The following TBC1D19 variants were observed in gnomAD, a reference collection of about 807,000 sequenced individuals.
The protein encoded by TBC1D19 is TBC1 domain family, member 19.
TBC1D19 carries 60 observed loss-of-function variants against 89.0 expected under a neutral mutation model. The ratio of observed to expected loss-of-function variants is 0.67; its 90% confidence interval spans 0.55 to 0.84. The LOEUF is 0.84. Among genes scored for constraint, TBC1D19 ranks in the 40% least tolerant of loss-of-function variants. TBC1D19 has a pLI of 0.00. For synonymous variants in TBC1D19, 189 were observed against 199.7 expected, an observed-to-expected ratio of 0.95 and a Z score of 0.45; for missense variants, 500 against 610.8, an observed-to-expected ratio of 0.82 and a Z score of 1.91.
intron 17 of TBC1D19, chr4:26,740,976 T>A: frequency 1.0e-6 from 1 of 982,006 alleles, no homozygotes; most frequent in Non-Finnish European, 1.2e-6. Context: ...CTGGGTTTCT[T>A]ATCTCTAAGA....
At chr4:26,653,541 A>T (rs1034532685) in intron 7 of TBC1D19, among the ~76,000 whole-genome samples, 4 of 152,094 alleles carry the variant, frequency 2.6e-5, no homozygotes, top group African/African-American at 9.7e-5. Context: ...GACTTGCTTT[A>T]TGAATCTGGT....
At chr4:26,657,853 TTA>T (rs1010034901) in intron 7 of TBC1D19, among the ~76,000 whole-genome samples, 2 of 152,240 alleles carry the variant, frequency 1.3e-5, no homozygotes, top group Admixed American at 6.5e-5. Flanking sequence ...TGAGCATTTT[TTA>T]TATGTTTCTT....
chr4:26,576,901 A>G (rs1366171412), intron 1 of TBC1D19: 1 of 454,040 alleles, frequency 2.2e-6, no homozygotes, highest in Non-Finnish European at 4.4e-6. Context: ...TGGCTAGGCT[A>G]TGGCGCCCAG....
chr4:26,594,688 AC>A (rs1357029554), intron 1 of TBC1D19, among the ~76,000 whole-genome samples: 3 of 151,946 alleles, frequency 2.0e-5, no homozygotes, highest in Non-Finnish European at 4.4e-5. Flanking sequence ...ATCTCCCCCT[AC>A]CCCATGAAAT....
intron 13 of TBC1D19, among the ~76,000 whole-genome samples, chr4:26,697,948 G>A (rs1220082511): frequency 6.6e-6 from 1 of 152,074 alleles, no homozygotes; most frequent in Admixed American, 6.5e-5. Context: ...TTGAAAACTG[G>A]CACAAGACAG....
At chr4:26,593,642 A>T (rs1401938886) in intron 1 of TBC1D19, among the ~76,000 whole-genome samples, 3 of 152,192 alleles carry the variant, frequency 2.0e-5, no homozygotes, top group African/African-American at 7.2e-5. Context: ...CAAATTTACA[A>T]GAAAAAAACA....
chr4:26,739,819 A>G, intron 16 of TBC1D19, 45 bp from the exon 17 acceptor site: 1 of 1,072,490 alleles, frequency 9.3e-7, no homozygotes, highest in Non-Finnish European at 1.3e-6. Flanking sequence ...TTATCTTAAC[A>G]TTTCAGTAGT....
chr4:26,758,743 T>A (rs1206023519), downstream of TBC1D19, among the ~76,000 whole-genome samples: 1 of 152,210 alleles, frequency 6.6e-6, no homozygotes, highest in Non-Finnish European at 1.5e-5. Context: ...CTATTTTTTT[T>A]ACAAGACCCA....
At chr4:26,721,457 C>G (rs2109272297) in intron 15 of TBC1D19, among the ~76,000 whole-genome samples, 1 of 152,118 alleles carries the variant, frequency 6.6e-6, no homozygotes, top group African/African-American at 2.4e-5. Context: ...ACCCTCTCTT[C>G]CACACCATCC....
At chr4:26,803,874 C>A in the TBC1D19 span, among the ~76,000 whole-genome samples, 1 of 128,052 alleles carries the variant, frequency 7.8e-6, no homozygotes, top group Admixed American at 9.8e-5. Flanking sequence ...GAACAAGAAT[C>A]TTTACTGCTG....
At chr4:26,687,850 C>T (rs1713950310) in intron 12 of TBC1D19, among the ~76,000 whole-genome samples, 1 of 152,070 alleles carries the variant, frequency 6.6e-6, no homozygotes, top group Non-Finnish European at 1.5e-5. Context: ...AGTGAACTGG[C>T]CCTTAAACTC....
intron 13 of TBC1D19, among the ~76,000 whole-genome samples, chr4:26,693,887 T>G (rs1365500925): frequency 2.0e-5 from 3 of 152,150 alleles, no homozygotes; most frequent in African/African-American, 7.2e-5. Context: ...TCAGTGAACT[T>G]GGAAGACATC....
chr4:26,702,525 C>T (rs766014539), intron 13 of TBC1D19: 16 of 152,182 alleles, frequency 1.1e-4, no homozygotes, highest in Non-Finnish European at 1.6e-4. Flanking sequence ...GGTGCTAAGT[C>T]AGTATCACAA....
At chr4:26,787,211 C>T in the TBC1D19 span, among the ~76,000 whole-genome samples, 2 of 150,832 alleles carry the variant, frequency 1.3e-5, no homozygotes, top group African/African-American at 4.9e-5. Flanking sequence ...CAAGCATTCT[C>T]ATGCCTCAGC....
At chr4:26,825,561 T>G in the TBC1D19 span, among the ~76,000 whole-genome samples, 4 of 152,242 alleles carry the variant, frequency 2.6e-5, no homozygotes, top group Admixed American at 6.5e-5. Context: ...ACACTCATTG[T>G]TCACTGTTTT....
At chr4:26,676,673 C>T (rs1462036914) in intron 11 of TBC1D19, among the ~76,000 whole-genome samples, 4 of 150,398 alleles carry the variant, frequency 2.7e-5, no homozygotes, top group Admixed American at 6.6e-5. Flanking sequence ...GAGCAGAGAT[C>T]GCGCCACTGC....
chr4:26,791,989 A>G, the TBC1D19 span, among the ~76,000 whole-genome samples: 2 of 152,220 alleles, frequency 1.3e-5, no homozygotes, highest in South Asian at 4.1e-4. Flanking sequence ...TGGACAGAGC[A>G]GCCATCAGAG....
At chr4:26,769,687 A>G in the TBC1D19 span, among the ~76,000 whole-genome samples, 1 of 151,800 alleles carries the variant, frequency 6.6e-6, no homozygotes. Flanking sequence ...TTGGGACTAC[A>G]GGTGTCTGCC....
At chr4:26,653,243 T>G (rs1359564946) in intron 7 of TBC1D19, among the ~76,000 whole-genome samples, 6 of 152,218 alleles carry the variant, frequency 3.9e-5, no homozygotes, top group African/African-American at 1.4e-4. Flanking sequence ...CAGTTTGTTA[T>G]GATTTCTGTT....
Sources: gnomAD v4.1 joint callset for allele counts (sites outside exome capture counted in the v4.1 genomes callset) on GRCh38, gnomAD v4.1.1 for gene constraint, MANE v1.5 for transcripts, NCBI Gene and HGNC (gene_info 2026-07-23, HGNC 2026-07-21) for gene names.